Variants in TRMO observed in about 807,000 individuals in gnomAD.
TRMO encodes tRNA (adenine(37)-N6)-methyltransferase.
Under a neutral mutation model 37.2 loss-of-function variants are expected in TRMO, and 30 were observed. The observed-to-expected ratio is 0.81, with a 90% confidence interval of 0.60 to 1.09. The LOEUF (loss-of-function observed/expected upper bound fraction) is 1.09. Among genes scored for constraint, TRMO ranks in the 50% least tolerant of loss-of-function variants. TRMO has a pLI of 0.00. For missense variants in TRMO, 552 were observed against 549.5 expected, an observed-to-expected ratio of 1.00 and a Z score of -0.05; for synonymous variants, 239 against 199.4, an observed-to-expected ratio of 1.20 and a Z score of -1.67.
At chr9:97,918,540 G>A (rs183309072) in intron 1 of TRMO, among the ~76,000 whole-genome samples, 35 of 152,036 alleles carry the variant, frequency 2.3e-4, no homozygotes, top group African/African-American at 7.5e-4. Context: ...TCATGACAGC[G>A]TTATCAATTT....
rs760978487 is a variant in TRMO at position 97,913,437 on chromosome 9, T to C, written c.373A>G (p.Ile125Val). The change falls in exon 3 of 5, where the codon ATA becomes GTA. Residue 125 changes from isoleucine to valine, a missense_variant. Coordinates refer to ENST00000375119, the MANE Select transcript of TRMO (RefSeq NM_016481.5). Reference sequence around the variant, plus strand: ...TCCAGCTTGGCCAGGGTCAGTCCTATTGCATTGGGACGATGAGGGCTCCTT... The same window carrying C: ...TCCAGCTTGGCCAGGGTCAGTCCTACTGCATTGGGACGATGAGGGCTCCTT... ...STRSPHRPNA[I>V]GLTLAKLEKV... The C allele has an allele frequency of 1.7e-5, 28 of 1,613,746 alleles. No homozygotes were observed. Among genetic ancestry groups the C allele is most frequent in the East Asian group, 1.1e-4 (5 of 44,874 alleles).
chr9:97,914,432 A>G (rs1826261328), intron 2 of TRMO, among the ~76,000 whole-genome samples: 1 of 152,228 alleles, frequency 6.6e-6, no homozygotes, highest in African/African-American at 2.4e-5. Context: ...TCATTTGCAT[A>G]TATTATTGAA....
the TRMO span, among the ~76,000 whole-genome samples, chr9:97,899,085 G>A: frequency 0.72 from 109,948 of 151,686 alleles, 41,217 homozygotes; most frequent in East Asian, 0.92. Flanking sequence ...TGATCCGCCC[G>A]CCTCGGCCTC....
chr9:97,916,074 G>T, intron 2 of TRMO, 90 bp downstream of exon 2: 1 of 884,534 alleles, frequency 1.1e-6, no homozygotes, highest in Non-Finnish European at 1.7e-6. Flanking sequence ...TGGTCTGGAT[G>T]GCAGACTCCA....
At chr9:97,905,426 A>G (rs996208039) in intron 4 of TRMO, among the ~76,000 whole-genome samples, 3 of 152,176 alleles carry the variant, frequency 2.0e-5, no homozygotes, top group African/African-American at 7.2e-5. Flanking sequence ...CTAAACCCAC[A>G]CACACCCAGA....
In TRMO at chr9:97,913,403, T is replaced by C; in HGVS notation, c.407A>G (p.Glu136Gly). ...GLTLAKLEKV[E>G]GGAIYLSGID... ...AAAGTAGAAATGAAATGGGTTACCTTCTACCTTTTCCAGCTTGGCCAGGGT... is the reference window on the plus strand; with the variant it reads ...AAAGTAGAAATGAAATGGGTTACCTCCTACCTTTTCCAGCTTGGCCAGGGT... Residue 136 changes from glutamate (E) to glycine (G), a missense_variant and splice_region_variant, in exon 3 of 5, where the codon GAA becomes GGA. Transcript: ENST00000375119. 6.2e-7 allele frequency: 1 copy of C among 1,613,922 alleles called. No individual in the cohort carries two copies. The highest frequency in any genetic ancestry group is 8.5e-7 in the Non-Finnish European group (1 of 1,179,934).
intron 4 of TRMO, among the ~76,000 whole-genome samples, chr9:97,906,776 C>T (rs1302062009): frequency 6.9e-6 from 1 of 144,588 alleles, no homozygotes; most frequent in African/African-American, 2.6e-5. Flanking sequence ...CGGGAGGAGG[C>T]GGTTGCGGTG....
chr9:97,921,591 T>A (rs1233896703), intron 1 of TRMO, among the ~76,000 whole-genome samples: 1 of 151,798 alleles, frequency 6.6e-6, no homozygotes, highest in Non-Finnish European at 1.5e-5. Context: ...CCCGGCTGAT[T>A]TTTTTGTATT....
intron 4 of TRMO, among the ~76,000 whole-genome samples, chr9:97,908,646 G>GT (rs545348138): frequency 2.0e-5 from 3 of 152,124 alleles, no homozygotes; most frequent in Non-Finnish European, 4.4e-5. Flanking sequence ...AAATTTTTCA[G>GT]TAACTCTTAT....
At chr9:97,903,254 T>A (rs550636593), downstream of TRMO, among the ~76,000 whole-genome samples, 3 of 151,844 alleles carry the variant, frequency 2.0e-5, no homozygotes, top group East Asian at 5.8e-4. Context: ...GGCAAAAGCA[T>A]GAGACTCATC....
Position 97,916,356 on chromosome 9 carries a change from G to A in TRMO, c.77-18C>T. ...AAGATTCCCTACAGGAGAAAATTAGGTAAAAAGTTATTAGTCAAAAGGTCA... is the reference window on the plus strand; with the variant it reads ...AAGATTCCCTACAGGAGAAAATTAGATAAAAAGTTATTAGTCAAAAGGTCA... On this transcript the variant is annotated intron_variant, in intron 1 of 4. Coordinates refer to ENST00000375119, the MANE Select transcript of TRMO (RefSeq NM_016481.5). The A allele has an allele frequency of 6.3e-7, 1 of 1,579,490 alleles. No individual in the cohort carries two copies. The highest frequency in any genetic ancestry group is 8.6e-7 in the Non-Finnish European group (1 of 1,162,922).
At position 97,913,504 on chromosome 9, in the gene TRMO, C is replaced by T. The variant is rs1826222795; in HGVS notation, c.306G>A (p.Gln102=). Residue 102 remains glutamine (Q), a synonymous_variant, in exon 3 of 5, where the codon CAG becomes CAA. Transcript: ENST00000375119. ...TCTTTGCACCATTCAGCCTAGGAGGCTGCACTTTTGCCTTACAGCTCAAAT... is the reference window on the plus strand; with the variant it reads ...TCTTTGCACCATTCAGCCTAGGAGGTTGCACTTTTGCCTTACAGCTCAAAT... The part of the protein sequence containing the change: ...NGHLSCKAKV[Q]PPRLNGAKTG... The T allele has an allele frequency of 1.2e-6, 2 of 1,614,024 alleles. No individual in the cohort carries two copies. Among genetic ancestry groups the T allele is most frequent in the African/African-American group, 2.7e-5 (2 of 75,022 alleles).
chr9:97,919,497 T>C (rs1260490595), intron 1 of TRMO, among the ~76,000 whole-genome samples: 1 of 152,162 alleles, frequency 6.6e-6, no homozygotes, highest in African/African-American at 2.4e-5. Flanking sequence ...GTGTCTACAA[T>C]TGCCAGACAT....
intron 1 of TRMO, among the ~76,000 whole-genome samples, chr9:97,920,431 T>G (rs1367552638): frequency 6.6e-6 from 1 of 152,204 alleles, no homozygotes; most frequent in Non-Finnish European, 1.5e-5. Context: ...ACTAGCTGTG[T>G]GACCATGGGA....
the TRMO span, among the ~76,000 whole-genome samples, chr9:97,897,848 TA>T: frequency 1.3e-4 from 20 of 152,148 alleles, no homozygotes; most frequent in South Asian, 1.7e-3. Context: ...AATCCTACTT[TA>T]AAAAATTTTT....
chr9:97,916,093 T>C, intron 2 of TRMO, 71 bp downstream of exon 2: 1 of 1,217,308 alleles, frequency 8.2e-7, no homozygotes, highest in Non-Finnish European at 1.1e-6. Context: ...CAAGGTTGCC[T>C]TCAACTAGAG....
Position 97,910,029 on chromosome 9 carries a change from G to A in TRMO, c.997C>T (p.Pro333Ser). The A allele has an allele frequency of 6.2e-7, 1 of 1,607,216 alleles. No homozygotes were observed. Among genetic ancestry groups the A allele is most frequent in the Non-Finnish European group, 8.5e-7 (1 of 1,175,822 alleles). ...AACCGCACTTCTAAAGTGGCCACAG[G>A]AGCCTCTGTCACCCAGGCAGGAACC... Reference protein sequence around the residue: ...SVVPAWVTEAPVATLEVRFTP... With the variant: ...SVVPAWVTEASVATLEVRFTP... The change falls in exon 4 of 5, where the codon CCT becomes TCT. Residue 333 changes from proline to serine, a missense_variant. Physicochemically the swap from Pro to Ser is moderately conservative, Grantham distance 74. Transcript: ENST00000375119.
chr9:97,899,290 C>A, the TRMO span, among the ~76,000 whole-genome samples: 1 of 152,100 alleles, frequency 6.6e-6, no homozygotes, highest in Non-Finnish European at 1.5e-5. Context: ...GCACGTGTAA[C>A]CCCAGAAAAG....
chr9:97,899,429 C>CATATTTATTTATTTATTTAT, the TRMO span, among the ~76,000 whole-genome samples: 47 of 105,604 alleles, frequency 4.5e-4, no homozygotes, highest in Non-Finnish European at 7.0e-4. Flanking sequence ...TTTTTATGTA[C>CATATTTATTTATTTATTTAT]GTATTTATTT....
Sources: allele counts gnomAD v4.1 joint callset (sites outside exome capture counted in the v4.1 genomes callset), GRCh38; gene constraint gnomAD v4.1.1; transcripts MANE v1.5; gene names NCBI Gene and HGNC (gene_info 2026-07-23, HGNC 2026-07-21).